WDFY3: variants seen among roughly 807,000 people sequenced by gnomAD.
WDFY3 encodes the protein WD repeat and FYVE domain containing 3.
Under a neutral mutation model 409.6 loss-of-function variants are expected in WDFY3, and 66 were observed. The ratio of observed to expected loss-of-function variants is 0.16; its 90% CI spans 0.13 to 0.20. WDFY3 has a LOEUF of 0.20. WDFY3 is among the 10% of genes least tolerant of loss of function. The pLI, the probability that WDFY3 is intolerant of heterozygous loss-of-function variation, is 1.00. For synonymous variants in WDFY3, 1,521 were observed against 1,537.1 expected (o/e 0.99, Z 0.25); for missense variants, 3,031 against 4,298.1 (o/e 0.71, Z 8.24).
chr4:84,872,921 A>C (rs1762313201), intron 3 of WDFY3, among the ~76,000 whole-genome samples: 1 of 152,192 alleles, frequency 6.6e-6, no homozygotes, highest in Non-Finnish European at 1.5e-5. Flanking sequence ...TTCGGATAAG[A>C]AAATAGTATC....
At chr4:84,767,106 C>G (rs1234657550) in intron 30 of WDFY3, among the ~76,000 whole-genome samples, 1 of 152,124 alleles carries the variant, frequency 6.6e-6, no homozygotes, top group Non-Finnish European at 1.5e-5. Context: ...CAAGTCCAAT[C>G]AGGCCATTTT....
Position 84,682,399 on chromosome 4 carries a change from C to T in WDFY3, c.9798G>A (p.Gln3266=), listed in dbSNP as rs1387867011. ...CTATTTGTGCTTCTGGACAGTCTTC[C>T]TGCATTTCTAGGACTTCAGCAGGCT... is the stretch of plus-strand genomic sequence containing the variant. ...APEPAEVLEM[Q]EDCPEAQIGQ... The change falls in exon 64 of 68, where the codon CAG becomes CAA. Residue 3266 remains glutamine (Q), a synonymous_variant. Coordinates refer to ENST00000295888, the MANE Select transcript of WDFY3 (RefSeq NM_014991.6). The T allele has an allele frequency of 6.8e-6, 11 of 1,613,808 alleles. No individual in the cohort carries two copies. The Admixed American group carries it at 1.7e-4, about 24-fold the overall frequency.
intron 50 of WDFY3, among the ~76,000 whole-genome samples, chr4:84,714,975 A>G (rs1227329230): frequency 2.0e-5 from 3 of 151,938 alleles, no homozygotes; most frequent in Non-Finnish European, 4.4e-5. Flanking sequence ...GAAGAAGAAA[A>G]AAAGAAACTA....
chr4:84,721,117 C>T (rs1734798016), intron 47 of WDFY3, among the ~76,000 whole-genome samples: 1 of 152,150 alleles, frequency 6.6e-6, no homozygotes, highest in Admixed American at 6.5e-5. Flanking sequence ...AGGCTGTCTA[C>T]ATGGATTTGA....
At chr4:84,782,615 G>A (rs1199947100) in intron 25 of WDFY3, among the ~76,000 whole-genome samples, 4 of 152,084 alleles carry the variant, frequency 2.6e-5, no homozygotes, top group Non-Finnish European at 5.9e-5. Flanking sequence ...TCAGCTCCCC[G>A]CTATGAGTGA....
At chr4:84,841,104 G>T (rs1757289071) in intron 6 of WDFY3, 50 bp downstream of exon 6, 2 of 1,352,232 alleles carry the variant, frequency 1.5e-6, no homozygotes, top group Non-Finnish European at 2.1e-6. Flanking sequence ...CACAAGAGAG[G>T]CTATAAAATA....
At chr4:84,836,587 T>C (rs911235420) in intron 7 of WDFY3, among the ~76,000 whole-genome samples, 6 of 151,970 alleles carry the variant, frequency 3.9e-5, no homozygotes, top group Admixed American at 1.3e-4. Flanking sequence ...AGATAGAATT[T>C]TGAGACATTA....
At chr4:84,874,849 G>T (rs923426942) in intron 3 of WDFY3, among the ~76,000 whole-genome samples, 1 of 152,116 alleles carries the variant, frequency 6.6e-6, no homozygotes, top group Non-Finnish European at 1.5e-5. Context: ...ACATCAGAAA[G>T]TGCACATACA....
intron 56 of WDFY3, among the ~76,000 whole-genome samples, chr4:84,699,761 GA>G (rs1363878460): frequency 2.6e-5 from 4 of 151,968 alleles, no homozygotes; most frequent in Non-Finnish European, 5.9e-5. Context: ...TAGTAAATAT[GA>G]AGTGGTATCT....
chr4:84,766,093 T>A, intron 31 of WDFY3, 66 bp from the exon 32 acceptor site: 2 of 1,554,486 alleles, frequency 1.3e-6, no homozygotes, highest in Admixed American at 3.9e-5. Context: ...GGATTTCAAA[T>A]CAAAAAGGAA....
At chr4:84,888,739 T>C (rs749271506) in intron 3 of WDFY3, among the ~76,000 whole-genome samples, 3 of 152,184 alleles carry the variant, frequency 2.0e-5, no homozygotes, top group Non-Finnish European at 4.4e-5. Context: ...TTCAGAAATT[T>C]TGGACATCCA....
intron 3 of WDFY3, among the ~76,000 whole-genome samples, chr4:84,881,850 C>T (rs113257240): frequency 0.014 from 2,107 of 150,856 alleles, 29 homozygotes; most frequent in Non-Finnish European, 0.022. Flanking sequence ...CACTGTACTC[C>T]AGCCTGGGTG....
At chr4:84,769,255 T>A (rs562949523) in intron 30 of WDFY3, among the ~76,000 whole-genome samples, 36 of 152,166 alleles carry the variant, frequency 2.4e-4, no homozygotes, top group African/African-American at 8.7e-4. Context: ...TTAATTGATA[T>A]AGGAGTGACA....
At chr4:84,872,387 C>T (rs1762242041) in intron 3 of WDFY3, among the ~76,000 whole-genome samples, 1 of 151,710 alleles carries the variant, frequency 6.6e-6, no homozygotes, top group African/African-American at 2.4e-5. Context: ...ATCGCTTGAA[C>T]CCTGGAGGCA....
rs1752247653 is a variant in WDFY3 at position 84,810,153 on chromosome 4, A to G, written c.2079T>C (p.Thr693=). ...ELLHTVFCTL[T]AAMRYEPANS... ...TGGCTGGCTCATAGCGCATTGCTGC[A>G]GTCAACGTGCAGAACACAGTGTGAA... Residue 693 remains threonine (T), a synonymous_variant, in exon 14 of 68, where the codon ACT becomes ACC. Transcript: ENST00000295888. The G allele has an allele frequency of 3.7e-6, 6 of 1,614,162 alleles. No homozygotes were observed. Among genetic ancestry groups the G allele is most frequent in the Non-Finnish European group, 5.1e-6 (6 of 1,180,000 alleles).
rs1384376921 is a variant in WDFY3 at position 84,693,096 on chromosome 4, C to T, written c.8902-64G>A. 7 of 1,489,848 alleles carry T rather than the reference C, an allele frequency of 4.7e-6. No homozygotes were observed. In the East Asian group the frequency reaches 9.1e-5, roughly 19 times the overall value. 92.3% of individuals were successfully genotyped at this position (1,489,848 alleles called of 1,614,324 possible). On this transcript the variant is annotated intron_variant, in intron 58 of 67. Transcript: ENST00000295888. ...TAACACTTATAAGCCCTTTTATATG[C>T]CAGGCATTGTGTTCTTATTTCAATT...
chr4:84,712,373 T>TAAAAAAAAAA (rs998951453), intron 51 of WDFY3, among the ~76,000 whole-genome samples: 10 of 75,030 alleles, frequency 1.3e-4, no homozygotes, highest in Non-Finnish European at 2.2e-4. Flanking sequence ...AGAAAAAAAT[T>TAAAAAAAAAA]AAAAAAAAAA....
chr4:84,957,442 G>A (rs1189989339), intron 1 of WDFY3, among the ~76,000 whole-genome samples: 1 of 152,104 alleles, frequency 6.6e-6, no homozygotes, highest in Non-Finnish European at 1.5e-5. Flanking sequence ...AACAGACATT[G>A]CTTTAATGTT....
chr4:84,741,958 A>G lies in WDFY3; in HGVS notation c.6074-37T>C, dbSNP rs114507812. The G allele has an allele frequency of 5.8e-3, 8,909 of 1,548,150 alleles. 39 individuals are homozygous for G. Among genetic ancestry groups the G allele is most frequent in the Middle Eastern group, 9.7e-3 (56 of 5,744 alleles). On this transcript the variant is annotated intron_variant, in intron 37 of 67. Transcript: ENST00000295888. ...TAGGAAAAAAAGTCTAAGAAAATTG[A>G]TATCTACCAACACAGGACCAGATCC...
Sources: gnomAD v4.1 joint callset for allele counts (sites outside exome capture counted in the v4.1 genomes callset) on GRCh38, gnomAD v4.1.1 for gene constraint, MANE v1.5 for transcripts, NCBI Gene and HGNC (gene_info 2026-07-23, HGNC 2026-07-21) for gene names.